The following NXPH1 variants were observed in gnomAD, a reference collection of about 807,000 sequenced individuals.
NXPH1 encodes neurexophilin 1.
NXPH1 carries 5 observed loss-of-function variants against 23.7 expected under a neutral mutation model. The ratio of observed to expected loss-of-function variants is 0.21; its 90% CI spans 0.11 to 0.44. The LOEUF (loss-of-function observed/expected upper bound fraction) is 0.44, where lower values mean the gene tolerates loss of function less well. Among genes scored for constraint, NXPH1 ranks in the 20% least tolerant of loss-of-function variants. The pLI is 0.99. For missense variants in NXPH1, 324 were observed against 321.6 expected, an observed-to-expected ratio of 1.01 and a Z score of -0.06; for synonymous variants, 144 against 122.2, an observed-to-expected ratio of 1.18 and a Z score of -1.18.
intron 2 of NXPH1, among the ~76,000 whole-genome samples, chr7:8,464,227 T>C (rs1013084692): frequency 6.6e-6 from 1 of 152,198 alleles, no homozygotes; most frequent in East Asian, 1.9e-4. Context: ...TAGACATCTT[T>C]ATATCCCCCC....
At chr7:8,682,207 A>T (rs1442860445) in intron 2 of NXPH1, among the ~76,000 whole-genome samples, 1 of 152,152 alleles carries the variant, frequency 6.6e-6, no homozygotes, top group Non-Finnish European at 1.5e-5. Flanking sequence ...AGGTGGGAAA[A>T]TAATTCAGAC....
intron 2 of NXPH1, among the ~76,000 whole-genome samples, chr7:8,534,748 C>T (rs746403860): frequency 5.9e-5 from 9 of 152,054 alleles, no homozygotes; most frequent in African/African-American, 1.9e-4. Context: ...CTGCTAACAG[C>T]GCTGTGTCAG....
chr7:8,511,738 T>G (rs1275874541), intron 2 of NXPH1, among the ~76,000 whole-genome samples: 1 of 152,182 alleles, frequency 6.6e-6, no homozygotes, highest in Non-Finnish European at 1.5e-5. Flanking sequence ...ATTTCTGTTC[T>G]GATGCTGAAT....
intron 2 of NXPH1, among the ~76,000 whole-genome samples, chr7:8,643,358 T>C (rs1192494226): frequency 6.6e-6 from 1 of 152,220 alleles, no homozygotes; most frequent in Non-Finnish European, 1.5e-5. Context: ...TATGATGAAT[T>C]ATTTTGTTAA....
At chr7:8,495,673 A>G (rs918139596) in intron 2 of NXPH1, among the ~76,000 whole-genome samples, 3 of 152,084 alleles carry the variant, frequency 2.0e-5, no homozygotes, top group African/African-American at 7.2e-5. Context: ...ATGCAGAGGA[A>G]GAAAGAAGTG....
At chr7:8,613,841 T>C (rs561675739) in intron 2 of NXPH1, among the ~76,000 whole-genome samples, 2 of 151,984 alleles carry the variant, frequency 1.3e-5, no homozygotes, top group African/African-American at 4.8e-5. Context: ...TCTTTTTTCA[T>C]TAAAAATCTA....
At chr7:8,712,194 C>T (rs1056913468) in intron 2 of NXPH1, among the ~76,000 whole-genome samples, 1 of 152,158 alleles carries the variant, frequency 6.6e-6, no homozygotes, top group Non-Finnish European at 1.5e-5. Context: ...GTATGTGCCC[C>T]TAAATCAGTG....
At chr7:8,578,262 T>C (rs1304388032) in intron 2 of NXPH1, among the ~76,000 whole-genome samples, 2 of 152,180 alleles carry the variant, frequency 1.3e-5, no homozygotes, top group South Asian at 4.1e-4. Flanking sequence ...TACTGTAAGA[T>C]GAAAAGGTCA....
intron 2 of NXPH1, among the ~76,000 whole-genome samples, chr7:8,641,494 A>G (rs903973778): frequency 1.6e-4 from 24 of 152,120 alleles, no homozygotes; most frequent in African/African-American, 5.3e-4. Context: ...TTATCAGCCT[A>G]ACACTGCAAC....
intron 2 of NXPH1, among the ~76,000 whole-genome samples, chr7:8,451,892 C>T (rs2128605562): frequency 6.6e-6 from 1 of 152,308 alleles, no homozygotes; most frequent in Admixed American, 6.5e-5. Flanking sequence ...CCCCATTAGG[C>T]ATTCAGGGTC....
At chr7:8,509,145 G>C (rs975910565) in intron 2 of NXPH1, among the ~76,000 whole-genome samples, 1 of 152,028 alleles carries the variant, frequency 6.6e-6, no homozygotes, top group Non-Finnish European at 1.5e-5. Flanking sequence ...CATGACTGCT[G>C]AGCCTACTGT....
intron 2 of NXPH1, among the ~76,000 whole-genome samples, chr7:8,686,100 C>G (rs1322484731): frequency 1.3e-5 from 2 of 152,128 alleles, no homozygotes; most frequent in South Asian, 4.1e-4. Context: ...TCTTTATCCT[C>G]TCCTATCCCA....
intron 2 of NXPH1, among the ~76,000 whole-genome samples, chr7:8,727,300 T>C (rs1004229476): frequency 3.0e-5 from 4 of 132,800 alleles, no homozygotes; most frequent in African/African-American, 6.4e-5. Context: ...CTATTCACTC[T>C]GATGGTAGTT....
intron 2 of NXPH1, among the ~76,000 whole-genome samples, chr7:8,545,879 C>G (rs1001896756): frequency 2.0e-5 from 3 of 151,432 alleles, no homozygotes; most frequent in African/African-American, 7.3e-5. Context: ...GCCAAATGGT[C>G]TGACACAGGC....
At chr7:8,716,720 A>G (rs1015128818) in intron 2 of NXPH1, among the ~76,000 whole-genome samples, 2 of 152,184 alleles carry the variant, frequency 1.3e-5, no homozygotes, top group African/African-American at 2.4e-5. Flanking sequence ...TGAAGAGTAC[A>G]TGATTTAAAA....
chr7:8,513,294 A>G (rs1019242419), intron 2 of NXPH1, among the ~76,000 whole-genome samples: 3 of 152,132 alleles, frequency 2.0e-5, no homozygotes, highest in Non-Finnish European at 4.4e-5. Context: ...GATATCACAG[A>G]ATAGAATAGG....
intron 2 of NXPH1, among the ~76,000 whole-genome samples, chr7:8,650,958 A>C (rs930617538): frequency 6.6e-6 from 1 of 152,130 alleles, no homozygotes; most frequent in Admixed American, 6.6e-5. Context: ...CATTTGAGAC[A>C]TAATATTTAT....
intron 2 of NXPH1, among the ~76,000 whole-genome samples, chr7:8,476,577 G>A (rs148036921): frequency 1.3e-5 from 2 of 151,448 alleles, no homozygotes; most frequent in Non-Finnish European, 2.9e-5. Flanking sequence ...TAGGTGTTAT[G>A]TTGTTTTTTA....
chr7:8,461,910 A>C (rs1382559519), intron 2 of NXPH1, among the ~76,000 whole-genome samples: 1 of 151,906 alleles, frequency 6.6e-6, no homozygotes, highest in Non-Finnish European at 1.5e-5. Flanking sequence ...CATTTAACAC[A>C]AATGGAGTCA....
Sources: gnomAD v4.1 joint callset for allele counts (sites outside exome capture counted in the v4.1 genomes callset) on GRCh38, gnomAD v4.1.1 for gene constraint, MANE v1.5 for transcripts, NCBI Gene and HGNC (gene_info 2026-07-23, HGNC 2026-07-21) for gene names.